The following WWOX variants were observed in gnomAD, a reference collection of about 807,000 sequenced individuals.
The protein encoded by WWOX is WW domain containing oxidoreductase.
WWOX carries 69 observed loss-of-function variants against 46.2 expected under a neutral mutation model. The ratio of observed to expected loss-of-function variants is 1.49; its 90% CI spans 1.23 to 1.82. The LOEUF (loss-of-function observed/expected upper bound fraction) is 1.82. Among genes scored for constraint, WWOX ranks in the 40% most tolerant of loss-of-function variants. WWOX has a pLI of 0.00. For missense variants in WWOX, 919 were observed against 542.6 expected, an observed-to-expected ratio of 1.69 and a Z score of -6.89; for synonymous variants, 359 against 202.6, an observed-to-expected ratio of 1.77 and a Z score of -6.56.
At chr16:78,321,293 TATATATATAC>T (rs1162104450) in intron 5 of WWOX, among the ~76,000 whole-genome samples, 2 of 131,216 alleles carry the variant, frequency 1.5e-5, no homozygotes, top group Non-Finnish European at 3.2e-5. Context: ...TATATATACG[TATATATATAC>T]GTATATATAT....
At chr16:78,889,964 C>A (rs142574328) in intron 8 of WWOX, among the ~76,000 whole-genome samples, 2 of 152,242 alleles carry the variant, frequency 1.3e-5, no homozygotes, top group East Asian at 3.9e-4. Context: ...TATGTCTCTT[C>A]TTTCAGAAAA....
chr16:78,464,028 T>G (rs2084015910), intron 8 of WWOX, among the ~76,000 whole-genome samples: 1 of 152,012 alleles, frequency 6.6e-6, no homozygotes. Context: ...GGCAAGGCAG[T>G]GGGCTGTTGT....
At chr16:78,572,221 T>C (rs2044732970) in intron 8 of WWOX, among the ~76,000 whole-genome samples, 1 of 152,224 alleles carries the variant, frequency 6.6e-6, no homozygotes, top group African/African-American at 2.4e-5. Flanking sequence ...CATTCCTGCA[T>C]AGGAGATAGC....
At chr16:78,677,094 CA>C (rs2047619151) in intron 8 of WWOX, among the ~76,000 whole-genome samples, 1 of 150,784 alleles carries the variant, frequency 6.6e-6, no homozygotes, top group Non-Finnish European at 1.5e-5. Flanking sequence ...TTTTTGCATT[CA>C]AATTCTCGTA....
chr16:78,641,890 C>T (rs1276948770), intron 8 of WWOX, among the ~76,000 whole-genome samples: 1 of 152,154 alleles, frequency 6.6e-6, no homozygotes, highest in Non-Finnish European at 1.5e-5. Context: ...TTTCTGTGCA[C>T]AGGCAGTATT....
intron 5 of WWOX, among the ~76,000 whole-genome samples, chr16:78,226,395 T>G (rs2037055197): frequency 6.6e-6 from 1 of 152,120 alleles, no homozygotes; most frequent in East Asian, 1.9e-4. Flanking sequence ...AATGATTTTT[T>G]TTTTCTGATG....
At chr16:79,154,761 T>C (rs972468294) in intron 8 of WWOX, among the ~76,000 whole-genome samples, 1 of 152,180 alleles carries the variant, frequency 6.6e-6, no homozygotes, top group Non-Finnish European at 1.5e-5. Context: ...TTGGGTCCTT[T>C]TGAGTCTGAA....
chr16:78,754,807 T>C (rs753351726), intron 8 of WWOX, among the ~76,000 whole-genome samples: 12 of 152,256 alleles, frequency 7.9e-5, no homozygotes, highest in Non-Finnish European at 1.3e-4. Context: ...CCTCTACTTA[T>C]AGATCTGCAC....
chr16:78,665,615 G>C (rs1439406376), intron 8 of WWOX, among the ~76,000 whole-genome samples: 1 of 152,108 alleles, frequency 6.6e-6, no homozygotes. Flanking sequence ...TGCCCTGTCA[G>C]GGTGGGTCCT....
At chr16:78,849,836 G>T (rs749606171) in intron 8 of WWOX, among the ~76,000 whole-genome samples, 1 of 152,120 alleles carries the variant, frequency 6.6e-6, no homozygotes, top group African/African-American at 2.4e-5. Flanking sequence ...ACTTTGGGAG[G>T]CCGAGGTGGT....
intron 5 of WWOX, among the ~76,000 whole-genome samples, chr16:78,224,074 G>C (rs2151800424): frequency 6.6e-6 from 1 of 152,232 alleles, no homozygotes; most frequent in African/African-American, 2.4e-5. Flanking sequence ...GGTGATCTCA[G>C]CTCATTGCAA....
intron 8 of WWOX, among the ~76,000 whole-genome samples, chr16:78,438,469 T>C (rs1853265492): frequency 6.6e-6 from 1 of 151,898 alleles, no homozygotes; most frequent in African/African-American, 2.4e-5. Flanking sequence ...CTTTTTTTTT[T>C]CCACATAAGC....
At chr16:78,285,660 C>G (rs1276074149) in intron 5 of WWOX, among the ~76,000 whole-genome samples, 1 of 152,164 alleles carries the variant, frequency 6.6e-6, no homozygotes, top group Non-Finnish European at 1.5e-5. Context: ...TGGTACCATT[C>G]TGACGGACTC....
intron 4 of WWOX, among the ~76,000 whole-genome samples, chr16:78,141,775 A>G (rs1039653136): frequency 6.6e-6 from 1 of 152,110 alleles, no homozygotes; most frequent in Non-Finnish European, 1.5e-5. Context: ...ATAGAAATTT[A>G]TCAGTGTGTA....
chr16:78,855,279 TA>T (rs2052540595), intron 8 of WWOX, among the ~76,000 whole-genome samples: 1 of 152,200 alleles, frequency 6.6e-6, no homozygotes, highest in Admixed American at 6.5e-5. Flanking sequence ...TATAAGAATT[TA>T]TAGGAGTCAT....
intron 6 of WWOX, among the ~76,000 whole-genome samples, chr16:78,388,309 A>C (rs2082101590): frequency 6.6e-6 from 1 of 152,126 alleles, no homozygotes; most frequent in African/African-American, 2.4e-5. Flanking sequence ...GGGATTACAC[A>C]CATGAACCAC....
intron 4 of WWOX, among the ~76,000 whole-genome samples, chr16:78,137,662 G>A (rs2033846027): frequency 6.6e-6 from 1 of 152,152 alleles, no homozygotes; most frequent in South Asian, 2.1e-4. Context: ...GTTTGCTTGG[G>A]TTTTAGATTC....
At chr16:79,016,716 C>T (rs941967182) in intron 8 of WWOX, 2 of 152,248 alleles carry the variant, frequency 1.3e-5, no homozygotes, top group African/African-American at 4.8e-5. Flanking sequence ...AGCCATCGCG[C>T]CTGGCTAGGA....
At chr16:78,506,354 C>T (rs1442884549) in intron 8 of WWOX, 1 of 152,194 alleles carries the variant, frequency 6.6e-6, no homozygotes, top group Non-Finnish European at 1.5e-5. Context: ...AAATGAAGAG[C>T]AGAGCTCGAG....
Sources: allele counts gnomAD v4.1 joint callset (sites outside exome capture counted in the v4.1 genomes callset), GRCh38; gene constraint gnomAD v4.1.1; transcripts MANE v1.5; gene names NCBI Gene and HGNC (gene_info 2026-07-23, HGNC 2026-07-21).